Variants in STAM2 observed in about 807,000 individuals in gnomAD.
The protein encoded by STAM2 is signal transducing adapter molecule 2.
A neutral mutation model predicts 65.6 loss-of-function variants in STAM2; 51 were observed. The ratio of observed to expected loss-of-function variants is 0.78; its 90% CI spans 0.62 to 0.98. STAM2 has a LOEUF of 0.98. Ranked by LOEUF, STAM2 falls within the 50% of genes least tolerant of loss-of-function variation. The pLI, the probability that STAM2 is intolerant of heterozygous loss-of-function variation, is 0.00. For synonymous variants in STAM2, 198 were observed against 208.4 expected (o/e 0.95, Z 0.43); for missense variants, 584 against 617.8 (o/e 0.95, Z 0.58).
intron 11 of STAM2, among the ~76,000 whole-genome samples, chr2:152,128,164 T>C (rs1229913311): frequency 6.6e-6 from 1 of 152,060 alleles, no homozygotes; most frequent in Non-Finnish European, 1.5e-5. Flanking sequence ...TCCCAGCACT[T>C]TGGGAGGCCG....
chr2:152,169,881 T>G (rs1341478396), intron 1 of STAM2, among the ~76,000 whole-genome samples: 3 of 146,080 alleles, frequency 2.1e-5, no homozygotes, highest in South Asian at 2.2e-4. Context: ...TGAGATGGAG[T>G]CTCACTCTGT....
At chr2:152,145,271 G>A (rs1689317826) in intron 5 of STAM2, among the ~76,000 whole-genome samples, 3 of 152,094 alleles carry the variant, frequency 2.0e-5, no homozygotes, top group Non-Finnish European at 4.4e-5. Flanking sequence ...GTCTCACTAT[G>A]TTTCCTGGGC....
chr2:152,127,598 GA>G (rs111255186), intron 11 of STAM2, among the ~76,000 whole-genome samples: 3,085 of 135,720 alleles, frequency 0.023, 92 homozygotes, highest in African/African-American at 0.077. Flanking sequence ...AGTGTCAACT[GA>G]AAAAAAAAAA....
rs1162441884 is a variant in STAM2, at chr2:152,118,460, A to ATATATG, written c.*2113_*2114insCATATA. On this transcript the variant is annotated 3_prime_UTR_variant, in exon 14 of 14. Transcript: ENST00000263904. ...ATACTATATATTTATATATATATAT[A>ATATATG]TGTGTCATGTTTTATTATTCTAAAA... 7.5e-3 allele frequency: 1,125 copies of ATATATG among 149,146 alleles called. 12 individuals carry two copies. Among genetic ancestry groups the ATATATG allele is most frequent in the African/African-American group, 0.023 (920 of 40,730 alleles). The allele number at this position is 149,146 out of a possible 1,614,324, so 9.2% of individuals were successfully genotyped here. A position where few individuals can be genotyped will look rare whatever the true frequency, so the allele number is the denominator to read the frequency against.
rs762106827 is a variant in STAM2, at chr2:152,150,011, C to T, written c.125+134G>A. 4.7e-6 allele frequency: 3 copies of T among 632,858 alleles called. No individual in the cohort carries two copies. In the Admixed American group the frequency reaches 8.6e-5, roughly 18 times the overall value. The allele number at this position is 632,858 out of a possible 1,614,324, so 39.2% of individuals were successfully genotyped here. On this transcript the variant is annotated intron_variant, in intron 2 of 13. Coordinates refer to ENST00000263904, the MANE Select transcript of STAM2 (RefSeq NM_005843.6). Reference sequence around the variant, plus strand: ...GAAGAAAACCTATGTATAAGTGAACCCTCGCAGTTTAAATCTGTGTTGTTC... The same window carrying T: ...GAAGAAAACCTATGTATAAGTGAACTCTCGCAGTTTAAATCTGTGTTGTTC...
chr2:152,122,866 G>A (rs1688882627), intron 13 of STAM2, among the ~76,000 whole-genome samples: 1 of 152,066 alleles, frequency 6.6e-6, no homozygotes, highest in Non-Finnish European at 1.5e-5. Flanking sequence ...AGGAGTTTGA[G>A]ACCAGCCTGG....
At chr2:152,135,749 C>A in intron 7 of STAM2, 146 bp from the exon 8 acceptor site, 1 of 594,262 alleles carries the variant, frequency 1.7e-6, no homozygotes, top group Admixed American at 3.3e-5. Flanking sequence ...ATTTAATAAA[C>A]GATATTAAAA....
chr2:152,134,175 T>C (rs992808933), intron 8 of STAM2, among the ~76,000 whole-genome samples: 2 of 152,162 alleles, frequency 1.3e-5, no homozygotes, highest in African/African-American at 4.8e-5. Flanking sequence ...AATAAAAACC[T>C]ATGTAGCCAA....
chr2:152,147,442 G>A, intron 4 of STAM2, 134 bp from the exon 5 acceptor site: 1 of 816,630 alleles, frequency 1.2e-6, no homozygotes, highest in East Asian at 2.9e-5. Flanking sequence ...GAAATTTCTA[G>A]CCTAGTTGAG....
At chr2:152,139,771 G>GCTA in intron 7 of STAM2, among the ~76,000 whole-genome samples, 1 of 152,206 alleles carries the variant, frequency 6.6e-6, no homozygotes, top group East Asian at 1.9e-4. Context: ...TCTGGCAAGT[G>GCTA]CTACATCCAT....
At chr2:152,174,945 G>A (rs1036373673) in intron 1 of STAM2, among the ~76,000 whole-genome samples, 1 of 152,126 alleles carries the variant, frequency 6.6e-6, no homozygotes, top group Non-Finnish European at 1.5e-5. Context: ...ACTGCAACAT[G>A]TAAAATACTT....
chr2:152,127,717 T>C lies in STAM2; in HGVS notation c.1026-1338A>G, dbSNP rs552027434. Among the ~76,000 whole-genome samples, 26 of 152,300 alleles carry C rather than the reference T, an allele frequency of 1.7e-4. No individual in the cohort carries two copies. In the South Asian group the frequency reaches 4.6e-3, roughly 27 times the overall value. ...GGTTGATTTTGAGAAAGTAAACCAA[T>C]GCTTTATTATGTAATAACAACAAAC... On this transcript the variant is annotated intron_variant, in intron 11 of 13. Coordinates refer to ENST00000263904, the MANE Select transcript of STAM2 (RefSeq NM_005843.6).
At position 152,175,715 on chromosome 2, in the gene STAM2, C is replaced by T. The variant is rs752673975; in HGVS notation, c.-73G>A. 6.5e-7 allele frequency: 1 copy of T among 1,529,104 alleles called. No individual in the cohort carries two copies. Among genetic ancestry groups the T allele is most frequent in the South Asian group, 1.2e-5 (1 of 84,734 alleles). 94.7% of individuals were successfully genotyped at this position (1,529,104 alleles called of 1,614,324 possible). Reference sequence around the variant, plus strand: ...CAACTGCTACCCGCCGGGTGACCCGCGGCCGCGGCTCCCTAGACCGCTCCG... The same window carrying T: ...CAACTGCTACCCGCCGGGTGACCCGTGGCCGCGGCTCCCTAGACCGCTCCG... On this transcript the variant is annotated 5_prime_UTR_variant, in exon 1 of 14. Transcript: ENST00000263904.
At chr2:152,127,829 T>C (rs1688988206) in intron 11 of STAM2, among the ~76,000 whole-genome samples, 1 of 152,170 alleles carries the variant, frequency 6.6e-6, no homozygotes, top group African/African-American at 2.4e-5. Context: ...AATAAAGAAC[T>C]CTCTTTGCAC....
intron 1 of STAM2, among the ~76,000 whole-genome samples, chr2:152,160,172 GTC>G (rs931131031): frequency 3.2e-4 from 48 of 152,086 alleles, no homozygotes; most frequent in Non-Finnish European, 6.0e-4. Flanking sequence ...AGTGAGGAGC[GTC>G]TCTGCCTGGC....
At chr2:152,128,143 T>C (rs1688996123) in intron 11 of STAM2, among the ~76,000 whole-genome samples, 1 of 152,100 alleles carries the variant, frequency 6.6e-6, no homozygotes, top group Admixed American at 6.5e-5. Context: ...CGCGGTGGCT[T>C]ATGCCTGTAA....
intron 1 of STAM2, among the ~76,000 whole-genome samples, chr2:152,173,035 C>T (rs988693089): frequency 6.6e-6 from 1 of 151,766 alleles, no homozygotes; most frequent in African/African-American, 2.4e-5. Flanking sequence ...CTATACTTAT[C>T]GTACTAAATT....
chr2:152,161,926 G>A (rs1689686269), intron 1 of STAM2, among the ~76,000 whole-genome samples: 1 of 151,900 alleles, frequency 6.6e-6, no homozygotes, highest in South Asian at 2.1e-4. Context: ...GGGTTCAAAC[G>A]ATTTTCCTGC....
chr2:152,168,726 C>G (rs1355636475), intron 1 of STAM2, among the ~76,000 whole-genome samples: 1 of 152,152 alleles, frequency 6.6e-6, no homozygotes, highest in Non-Finnish European at 1.5e-5. Flanking sequence ...TAAAAACCTA[C>G]AAGAAATTCC....
Sources: gnomAD v4.1 joint callset for allele counts (sites outside exome capture counted in the v4.1 genomes callset) on GRCh38, gnomAD v4.1.1 for gene constraint, MANE v1.5 for transcripts, NCBI Gene and HGNC (gene_info 2026-07-23, HGNC 2026-07-21) for gene names.